ERBB4: variants seen among roughly 807,000 people sequenced by gnomAD.
ERBB4 encodes the protein erb-b2 receptor tyrosine kinase 4.
Under a neutral mutation model 158.0 loss-of-function variants are expected in ERBB4, and 42 were observed. The ratio of observed to expected loss-of-function variants is 0.27; its 90% confidence interval spans 0.21 to 0.34. ERBB4 has a LOEUF of 0.34. Ranked by LOEUF, ERBB4 falls within the 10% of genes least tolerant of loss-of-function variation. The probability of loss-of-function intolerance (pLI) is 1.00; values close to 1 mark genes in which losing one functional copy is unlikely to be tolerated. For synonymous variants in ERBB4, 583 were observed against 558.7 expected (o/e 1.04, Z -0.61); for missense variants, 1,333 against 1,624.1 (o/e 0.82, Z 3.08).
At chr2:212,238,292 T>C (rs1217342520) in intron 1 of ERBB4, among the ~76,000 whole-genome samples, 1 of 152,224 alleles carries the variant, frequency 6.6e-6, no homozygotes, top group Non-Finnish European at 1.5e-5. Flanking sequence ...CCATTCCTCA[T>C]GGCTCAGTCC....
intron 20 of ERBB4, among the ~76,000 whole-genome samples, chr2:211,465,976 A>G (rs1223332506): frequency 1.3e-5 from 2 of 151,996 alleles, no homozygotes; most frequent in Non-Finnish European, 2.9e-5. Flanking sequence ...CAAAGGTCAG[A>G]CCCTTTTTGC....
chr2:211,844,174 G>A (rs540439730), intron 3 of ERBB4, among the ~76,000 whole-genome samples: 3 of 152,048 alleles, frequency 2.0e-5, no homozygotes, highest in East Asian at 3.9e-4. Flanking sequence ...GAACACATAC[G>A]TAAAGTAATA....
chr2:211,850,060 C>T (rs1368665473), intron 3 of ERBB4, among the ~76,000 whole-genome samples: 1 of 151,978 alleles, frequency 6.6e-6, no homozygotes, highest in African/African-American at 2.4e-5. Context: ...ATCTTCCATC[C>T]AACCTTCTAT....
At chr2:211,826,641 A>C (rs1389134547) in intron 3 of ERBB4, among the ~76,000 whole-genome samples, 1 of 151,914 alleles carries the variant, frequency 6.6e-6, no homozygotes, top group African/African-American at 2.4e-5. Context: ...AAGTGAATGG[A>C]TAGGCCTGAC....
rs71054136 is a variant in ERBB4 at position 211,721,443 on chromosome 2, C to CAAAAAAAAAAAAA, written c.883+937_883+949dup. Among the ~76,000 whole-genome samples the CAAAAAAAAAAAAA allele has an allele frequency of 4.7e-3, 258 of 54,488 alleles. 64 individuals carry two copies. Among genetic ancestry groups the CAAAAAAAAAAAAA allele is most frequent in the African/African-American group, 0.017 (178 of 10,532 alleles). The allele number at this position is 54,488 out of a possible 152,430, so 35.7% of individuals were successfully genotyped here. A position where few individuals can be genotyped will look rare whatever the true frequency, so the allele number is the denominator to read the frequency against. ...GAAATGTCCCATTGGTTACTCAAAGCAAAAAAAAAAAAAAAAAAAAAATAG... is the reference window on the plus strand; with the variant it reads ...GAAATGTCCCATTGGTTACTCAAAGCAAAAAAAAAAAAAAAAAAAAAAAAAAAAAAAAAAATAG... On this transcript the variant is annotated intron_variant, in intron 7 of 27. Transcript: ENST00000342788.
intron 1 of ERBB4, among the ~76,000 whole-genome samples, chr2:212,307,269 G>T (rs906428957): frequency 2.0e-5 from 3 of 150,964 alleles, no homozygotes; most frequent in Admixed American, 1.3e-4. Flanking sequence ...AAGAAGAGAT[G>T]AGGAGAGCAA....
At position 212,174,180 on chromosome 2, in the gene ERBB4, T is replaced by C. The variant is rs931380869; in HGVS notation, c.83-49277A>G. Among the ~76,000 whole-genome samples, 7 of 152,130 alleles carry C rather than the reference T, an allele frequency of 4.6e-5. No homozygotes were observed. The South Asian group carries it at 6.2e-4, about 13-fold the overall frequency. ...GAAAGGAGAAAAAGGAGTTCTATGATGTGACTGTTTTAAAATCTGACATTT... is the reference window on the plus strand; with the variant it reads ...GAAAGGAGAAAAAGGAGTTCTATGACGTGACTGTTTTAAAATCTGACATTT... On this transcript the variant is annotated intron_variant, in intron 1 of 27. Coordinates refer to ENST00000342788, the MANE Select transcript of ERBB4 (RefSeq NM_005235.3).
intron 16 of ERBB4, among the ~76,000 whole-genome samples, chr2:211,653,043 T>C (rs1485447672): frequency 6.6e-6 from 1 of 152,168 alleles, no homozygotes; most frequent in Admixed American, 6.5e-5. Flanking sequence ...TTCTATTCTA[T>C]CAGAATCTAT....
At chr2:211,490,842 T>G (rs2065323429) in intron 20 of ERBB4, among the ~76,000 whole-genome samples, 1 of 152,112 alleles carries the variant, frequency 6.6e-6, no homozygotes, top group Non-Finnish European at 1.5e-5. Flanking sequence ...TGTTGTTTGT[T>G]CTCAAGAAAA....
chr2:212,435,962 G>A (rs1233215742), intron 1 of ERBB4, among the ~76,000 whole-genome samples: 1 of 151,714 alleles, frequency 6.6e-6, no homozygotes, highest in African/African-American at 2.4e-5. Context: ...TCCCAGATAT[G>A]CCAGGGGTTA....
At chr2:212,072,705 T>C (rs1664403906) in intron 2 of ERBB4, among the ~76,000 whole-genome samples, 1 of 152,018 alleles carries the variant, frequency 6.6e-6, no homozygotes, top group Non-Finnish European at 1.5e-5. Context: ...TTAGTCCTTA[T>C]TCATTCACTT....
rs2079809745 is a variant in ERBB4 at position 211,919,859 on chromosome 2, T to C, written c.421+27571A>G. On this transcript the variant is annotated intron_variant, in intron 3 of 27. Coordinates refer to ENST00000342788, the MANE Select transcript of ERBB4 (RefSeq NM_005235.3). ...CTGCAAGGAAAAATTCTATGACCTC[T>C]TCCAAATCCATTGATCGCAATCCCA... Among the ~76,000 whole-genome samples the C allele has an allele frequency of 1.3e-5, 2 of 151,966 alleles. 1 individual carries two copies. The highest frequency in any genetic ancestry group is 2.9e-5 in the Non-Finnish European group (2 of 67,864).
rs79077502 is a variant in ERBB4, at chr2:212,295,780, T to C, written c.83-170877A>G. Among the ~76,000 whole-genome samples, 1,293 of 152,182 alleles carry C rather than the reference T, an allele frequency of 8.5e-3. 15 individuals are homozygous for C. The highest frequency in any genetic ancestry group is 0.028 in the African/African-American group (1,155 of 41,560). On this transcript the variant is annotated intron_variant, in intron 1 of 27. Coordinates refer to ENST00000342788, the MANE Select transcript of ERBB4 (RefSeq NM_005235.3). ...AAATGGCAGCTGCATTACTGTGACG[T>C]AGGCAAATGATACATTTGGACAATC...
At chr2:212,077,423 G>C (rs1221814462) in intron 2 of ERBB4, among the ~76,000 whole-genome samples, 1 of 151,928 alleles carries the variant, frequency 6.6e-6, no homozygotes, top group African/African-American at 2.4e-5. Flanking sequence ...ATATTTGTTT[G>C]TGTTTGTGTG....
At chr2:212,033,313 C>A (rs981396313) in intron 2 of ERBB4, among the ~76,000 whole-genome samples, 1 of 151,838 alleles carries the variant, frequency 6.6e-6, no homozygotes, top group Admixed American at 6.6e-5. Flanking sequence ...AAAAGAGAAG[C>A]TGGGTATGTA....
At chr2:211,452,633 C>A (rs1382765497) in intron 20 of ERBB4, among the ~76,000 whole-genome samples, 2 of 152,138 alleles carry the variant, frequency 1.3e-5, no homozygotes, top group Non-Finnish European at 2.9e-5. Context: ...ACTATCTCAA[C>A]CTCTATCAAA....
chr2:212,322,793 T>C (rs932117225), intron 1 of ERBB4, among the ~76,000 whole-genome samples: 1 of 150,484 alleles, frequency 6.6e-6, no homozygotes, highest in Non-Finnish European at 1.5e-5. Flanking sequence ...TAATTTTGAA[T>C]AGTGGATCAT....
rs570206728 is a variant in ERBB4 at position 211,441,425 on chromosome 2, T to C, written c.2488-10325A>G. Among the ~76,000 whole-genome samples the C allele has an allele frequency of 7.9e-5, 12 of 152,230 alleles. No individual in the cohort carries two copies. The East Asian group carries it at 2.3e-3, about 29-fold the overall frequency. On this transcript the variant is annotated intron_variant, in intron 20 of 27. Coordinates refer to ENST00000342788, the MANE Select transcript of ERBB4 (RefSeq NM_005235.3). ...GTGATGGTATAGTAATAATACAAAT[T>C]TCACTGTTTCTTGGCCCAACCTGCT...
At chr2:211,898,076 C>G (rs1022150109) in intron 3 of ERBB4, among the ~76,000 whole-genome samples, 1 of 151,504 alleles carries the variant, frequency 6.6e-6, no homozygotes, top group African/African-American at 2.4e-5. Context: ...ATTTTTTTTT[C>G]TAATAAGCAT....
Sources: allele counts gnomAD v4.1 joint callset (sites outside exome capture counted in the v4.1 genomes callset), GRCh38; gene constraint gnomAD v4.1.1; transcripts MANE v1.5; gene names NCBI Gene and HGNC (gene_info 2026-07-23, HGNC 2026-07-21).